Variants in SYT1 observed in about 807,000 individuals in gnomAD.
SYT1 encodes the protein synaptotagmin-1.
In SYT1, 8 loss-of-function variants were observed where a neutral mutation model predicts 44.8. The observed-to-expected ratio is 0.18, with a 90% CI of 0.10 to 0.32. The LOEUF (loss-of-function observed/expected upper bound fraction) is 0.32. SYT1 is among the 10% of genes least tolerant of loss of function. SYT1 has a pLI of 1.00. For synonymous variants in SYT1, 154 were observed against 188.8 expected (o/e 0.82, Z 1.51); for missense variants, 286 against 509.3 (o/e 0.56, Z 4.22).
At chr12:79,270,945 G>T (rs560363073) in intron 4 of SYT1, among the ~76,000 whole-genome samples, 1 of 152,188 alleles carries the variant, frequency 6.6e-6, no homozygotes, top group Non-Finnish European at 1.5e-5. Context: ...GCGTAGAACC[G>T]CATAGAGCCT....
chr12:79,074,766 T>C (rs1001297247), intron 3 of SYT1, among the ~76,000 whole-genome samples: 7 of 152,228 alleles, frequency 4.6e-5, no homozygotes, highest in African/African-American at 1.7e-4. Flanking sequence ...CATCAGCTGA[T>C]GCTCTTGGGC....
intron 4 of SYT1, among the ~76,000 whole-genome samples, chr12:79,272,342 G>A (rs55772215): frequency 0.29 from 44,093 of 152,060 alleles, 6,930 homozygotes; most frequent in East Asian, 0.59. Flanking sequence ...TACAATGAAC[G>A]GGTAAAATGG....
chr12:79,299,641 A>AT, intron 8 of SYT1, 90 bp downstream of exon 8: 1 of 1,485,848 alleles, frequency 6.7e-7, no homozygotes, highest in Non-Finnish European at 9.0e-7. Flanking sequence ...CTCTTTACAA[A>AT]GGGGGATGTG....
intron 2 of SYT1, among the ~76,000 whole-genome samples, chr12:79,022,677 T>C (rs897045746): frequency 2.6e-5 from 4 of 151,540 alleles, no homozygotes; most frequent in Non-Finnish European, 5.9e-5. Context: ...AAATTAATTA[T>C]ATTTTTATTT....
intron 2 of SYT1, among the ~76,000 whole-genome samples, chr12:79,013,293 G>T (rs1420696222): frequency 6.6e-6 from 1 of 152,006 alleles, no homozygotes; most frequent in Non-Finnish European, 1.5e-5. Context: ...ATAAGTATTT[G>T]TTGAAGAAGT....
At chr12:79,307,903 G>C (rs892700657) in intron 8 of SYT1, among the ~76,000 whole-genome samples, 3 of 152,210 alleles carry the variant, frequency 2.0e-5, no homozygotes, top group Non-Finnish European at 4.4e-5. Flanking sequence ...AAGACAGATG[G>C]CAAAATTGAT....
At chr12:79,055,636 A>G (rs1874876008) in intron 3 of SYT1, among the ~76,000 whole-genome samples, 1 of 152,110 alleles carries the variant, frequency 6.6e-6, no homozygotes, top group African/African-American at 2.4e-5. Context: ...GGAAAACAAA[A>G]TAAGCTGCCT....
chr12:79,174,689 G>A (rs983383316), intron 3 of SYT1, among the ~76,000 whole-genome samples: 22 of 152,028 alleles, frequency 1.4e-4, no homozygotes, highest in African/African-American at 5.3e-4. Flanking sequence ...ACTGTTGACA[G>A]TACAGAAGGT....
At chr12:79,138,812 G>C (rs1244960065) in intron 3 of SYT1, among the ~76,000 whole-genome samples, 2 of 151,998 alleles carry the variant, frequency 1.3e-5, no homozygotes, top group African/African-American at 4.8e-5. Flanking sequence ...CTTATATTTT[G>C]CAAGGCTTTC....
chr12:79,297,502 G>A (rs1003682945), intron 7 of SYT1, among the ~76,000 whole-genome samples: 6 of 151,944 alleles, frequency 3.9e-5, no homozygotes, highest in Non-Finnish European at 7.4e-5. Flanking sequence ...CTAATGTATT[G>A]GGGCTTTGTT....
intron 3 of SYT1, among the ~76,000 whole-genome samples, chr12:79,086,012 T>A (rs567545314): frequency 3.3e-5 from 5 of 152,232 alleles, no homozygotes; most frequent in African/African-American, 1.2e-4. Context: ...CAGTTACTAG[T>A]CAGTCTGAAT....
At position 78,974,132 on chromosome 12, in the gene SYT1, T is replaced by C. The variant is rs1016456682; in HGVS notation, c.-216-3667T>C. Reference sequence around the variant, plus strand: ...ACATAGGCTAGATGGTATAGCCTATTGCTCCTAAGCTCAAAACCAGTACAA... The same window carrying C: ...ACATAGGCTAGATGGTATAGCCTATCGCTCCTAAGCTCAAAACCAGTACAA... On this transcript the variant is annotated intron_variant, in intron 1 of 10. Transcript: ENST00000261205. Among the ~76,000 whole-genome samples, 7 of 150,626 alleles carry C rather than the reference T, an allele frequency of 4.6e-5. No homozygotes were observed. In the East Asian group the frequency reaches 1.4e-3, roughly 29 times the overall value.
At chr12:79,046,713 G>A (rs1395078191) in intron 2 of SYT1, among the ~76,000 whole-genome samples, 2 of 151,760 alleles carry the variant, frequency 1.3e-5, no homozygotes, top group African/African-American at 4.8e-5. Flanking sequence ...CTATTAATAT[G>A]TATATAAACA....
rs190550909 is a variant in SYT1, at chr12:79,027,166, G to T, written c.-83-20131G>T. ...GCTCTCTCCACCTTCTCTCCAGGAA[G>T]TTTCTTACCTGGATCCTCAGCTGAA... is the stretch of plus-strand genomic sequence containing the variant. On this transcript the variant is annotated intron_variant, in intron 2 of 10. Coordinates refer to ENST00000261205, the MANE Select transcript of SYT1 (RefSeq NM_005639.3). Among the ~76,000 whole-genome samples, 26 of 151,660 alleles carry T rather than the reference G, an allele frequency of 1.7e-4. No individual in the cohort carries two copies. The East Asian group carries it at 4.9e-3, about 28-fold the overall frequency.
chr12:79,165,221 G>A (rs1012053375), intron 3 of SYT1, among the ~76,000 whole-genome samples: 2 of 151,780 alleles, frequency 1.3e-5, no homozygotes, highest in African/African-American at 2.4e-5. Flanking sequence ...TTTTAACTCT[G>A]TTTTTCTATG....
At chr12:79,197,177 G>A (rs1389287335) in intron 3 of SYT1, among the ~76,000 whole-genome samples, 6 of 152,188 alleles carry the variant, frequency 3.9e-5, no homozygotes, top group Admixed American at 3.9e-4. Context: ...GCAACCTGAT[G>A]CCTTCTTTGG....
chr12:79,046,170 G>T (rs921871123), intron 2 of SYT1: 1 of 152,164 alleles, frequency 6.6e-6, no homozygotes, highest in Non-Finnish European at 1.5e-5. Flanking sequence ...AGGAAAAGCA[G>T]ATCTTGGAGA....
chr12:79,346,678 T>C (rs1460768343), intron 8 of SYT1, among the ~76,000 whole-genome samples: 7 of 152,158 alleles, frequency 4.6e-5, no homozygotes, highest in Non-Finnish European at 1.0e-4. Flanking sequence ...TAGCACTAGG[T>C]ACAAAGGAGG....
chr12:79,407,237 A>G lies in SYT1; in HGVS notation c.929-36836A>G, dbSNP rs1037859667. On this transcript the variant is annotated intron_variant, in intron 9 of 10. Transcript: ENST00000261205. The stretch of plus-strand genomic sequence containing the variant: ...GACTAATCATACTCTGTGTACTTAT[A>G]CCACTAATATTATTTGAGTGAAACA... Among the ~76,000 whole-genome samples, 12 of 152,200 alleles carry G rather than the reference A, an allele frequency of 7.9e-5. No homozygotes were observed. The Middle Eastern group carries it at 0.01, about 129-fold the overall frequency.
Sources: allele counts gnomAD v4.1 joint callset (sites outside exome capture counted in the v4.1 genomes callset), GRCh38; gene constraint gnomAD v4.1.1; transcripts MANE v1.5; gene names NCBI Gene and HGNC (gene_info 2026-07-23, HGNC 2026-07-21).